The following CDH12 variants were observed in gnomAD, a reference collection of about 807,000 sequenced individuals.
CDH12 encodes cadherin 12.
A neutral mutation model predicts 74.1 loss-of-function variants in CDH12; 41 were observed. The observed-to-expected ratio is 0.55, with a 90% confidence interval of 0.43 to 0.72. The LOEUF is 0.72. Among genes scored for constraint, CDH12 ranks in the 30% least tolerant of loss-of-function variants. The probability of loss-of-function intolerance (pLI) is 0.00; values close to 1 mark genes in which losing one functional copy is unlikely to be tolerated. For synonymous variants in CDH12, 399 were observed against 355.0 expected (o/e 1.12, Z -1.39); for missense variants, 945 against 977.2 (o/e 0.97, Z 0.44).
chr5:21,909,577 A>G (rs528192618), intron 6 of CDH12, among the ~76,000 whole-genome samples: 1 of 152,270 alleles, frequency 6.6e-6, no homozygotes, highest in East Asian at 1.9e-4. Flanking sequence ...AACCAACTAC[A>G]TTTCACCTTC....
chr5:22,581,278 A>T (rs1033471517), intron 1 of CDH12, among the ~76,000 whole-genome samples: 7 of 152,332 alleles, frequency 4.6e-5, no homozygotes, highest in Middle Eastern at 3.4e-3. Context: ...CTACAGACTA[A>T]ATGCCCTGAG....
At chr5:21,825,928 C>T (rs1368359932) in intron 8 of CDH12, among the ~76,000 whole-genome samples, 1 of 152,196 alleles carries the variant, frequency 6.6e-6, no homozygotes. Flanking sequence ...TTGGTATCAT[C>T]TGGAAAGTTA....
At position 22,034,877 on chromosome 5, in the gene CDH12, T is replaced by C. The variant is rs149788260; in HGVS notation, c.231+43569A>G. Among the ~76,000 whole-genome samples the C allele has an allele frequency of 3.7e-3, 567 of 152,284 alleles. 7 individuals are homozygous for C. Among genetic ancestry groups the C allele is most frequent in the African/African-American group, 0.013 (531 of 41,572 alleles). ...AATAAAATAAAGCTTTTTGATGTCC[T>C]GAATAAGCAAACAATACCAGGTACA... On this transcript the variant is annotated intron_variant, in intron 5 of 14. Transcript: ENST00000382254.
At chr5:22,640,333 C>T (rs1396187181) in intron 1 of CDH12, among the ~76,000 whole-genome samples, 2 of 152,174 alleles carry the variant, frequency 1.3e-5, no homozygotes, top group Non-Finnish European at 2.9e-5. Flanking sequence ...GAAAATCTAA[C>T]ACTATTTTGT....
intron 5 of CDH12, 26 bp downstream of exon 5, chr5:22,078,420 G>C (rs368207059): frequency 6.2e-7 from 1 of 1,600,452 alleles, no homozygotes; most frequent in South Asian, 1.1e-5. Flanking sequence ...CCTATCAAGC[G>C]GTTGTCAAAA....
At position 21,752,236 on chromosome 5, in the gene CDH12, G is replaced by C; in HGVS notation, c.1886C>G (p.Ala629Gly). The C allele has an allele frequency of 3.2e-6, 5 of 1,575,788 alleles. No individual in the cohort carries two copies. The highest frequency in any genetic ancestry group is 4.3e-6 in the Non-Finnish European group (5 of 1,161,846). ...CAGTGCTACATACAGTACAACTATG[G>C]CTGGAACAAGACAAAAATTGCAATT... ...AILLCIVILL[A>G]IVVLYVALRR... is the part of the protein sequence containing the mutation. The change falls in exon 15 of 15, where the codon GCC becomes GGC. Residue 629 changes from alanine (A) to glycine (G), a missense_variant and splice_region_variant. By Grantham distance (60) the Ala-to-Gly change is moderately conservative (BLOSUM62 0). This residue lies in a region of CDH12 where 791 missense variants were observed against 792.8 expected (regional missense o/e 1.00). Transcript: ENST00000382254.
chr5:21,842,191 C>T lies in CDH12; in HGVS notation c.784G>A (p.Val262Ile). Residue 262 changes from valine (V) to isoleucine (I), a missense_variant, in exon 8 of 15, where the codon GTC (valine) becomes ATC (isoleucine). Val to Ile is a conservative substitution (Grantham distance 29). Coordinates refer to ENST00000382254, the MANE Select transcript of CDH12 (RefSeq NM_004061.5). ...TTIVNITLTDVNDNPPRFPKS... is the reference protein window; with the variant it reads ...TTIVNITLTDINDNPPRFPKS... Reference sequence around the variant, plus strand: ...GGGAATCGAGGTGGATTGTCATTGACATCGGTGAGAGTGATGTTGACTATT... The same window carrying T: ...GGGAATCGAGGTGGATTGTCATTGATATCGGTGAGAGTGATGTTGACTATT... 1.9e-6 allele frequency: 3 copies of T among 1,612,610 alleles called. No individual in the cohort carries two copies. The highest frequency in any genetic ancestry group is 2.2e-5 in the East Asian group (1 of 44,808).
chr5:22,001,453 G>A (rs1403063376), intron 5 of CDH12, among the ~76,000 whole-genome samples: 1 of 152,020 alleles, frequency 6.6e-6, no homozygotes, highest in African/African-American at 2.4e-5. Flanking sequence ...GTAAACATGG[G>A]AAAAATCTTT....
chr5:22,425,156 T>TATATATATATATATATAA (rs1554039874), intron 2 of CDH12, among the ~76,000 whole-genome samples: 1 of 126,248 alleles, frequency 7.9e-6, no homozygotes, highest in African/African-American at 3.0e-5. Flanking sequence ...TGTGTGTGTA[T>TATATATATATATATATAA]ATATATATAT....
intron 11 of CDH12, among the ~76,000 whole-genome samples, chr5:21,782,193 C>T (rs760014810): frequency 6.6e-6 from 1 of 152,182 alleles, no homozygotes; most frequent in Non-Finnish European, 1.5e-5. Context: ...AGCACCGCAA[C>T]GTGGCCTCTC....
At chr5:21,913,910 C>T (rs1350698931) in intron 6 of CDH12, among the ~76,000 whole-genome samples, 3 of 152,068 alleles carry the variant, frequency 2.0e-5, no homozygotes, top group Non-Finnish European at 2.9e-5. Context: ...TCTCAAACTC[C>T]TGGGCCCAAG....
At chr5:22,190,844 T>A (rs1337402326) in intron 4 of CDH12, among the ~76,000 whole-genome samples, 1 of 152,204 alleles carries the variant, frequency 6.6e-6, no homozygotes, top group African/African-American at 2.4e-5. Context: ...CTCAGACTCA[T>A]CCCTGACTAC....
intron 6 of CDH12, among the ~76,000 whole-genome samples, chr5:21,884,631 T>C (rs1213926314): frequency 6.6e-6 from 1 of 152,224 alleles, no homozygotes; most frequent in Admixed American, 6.5e-5. Context: ...ACTATTCTGT[T>C]AAAATCAGGA....
At chr5:21,844,808 C>A (rs906186414) in intron 7 of CDH12, among the ~76,000 whole-genome samples, 1 of 152,138 alleles carries the variant, frequency 6.6e-6, no homozygotes, top group African/African-American at 2.4e-5. Flanking sequence ...GATAAATAGA[C>A]AGATAGCTAT....
chr5:22,347,707 G>T (rs933801981), intron 3 of CDH12, among the ~76,000 whole-genome samples: 1 of 152,122 alleles, frequency 6.6e-6, no homozygotes, highest in Non-Finnish European at 1.5e-5. Context: ...ATTGGTTGAG[G>T]CATATGATGA....
chr5:22,163,784 T>C (rs1748501085), intron 4 of CDH12, among the ~76,000 whole-genome samples: 1 of 152,166 alleles, frequency 6.6e-6, no homozygotes, highest in East Asian at 1.9e-4. Flanking sequence ...TATAAATGCA[T>C]AATACAGGTG....
At chr5:22,374,373 G>GA (rs559024766) in intron 3 of CDH12, among the ~76,000 whole-genome samples, 54 of 152,244 alleles carry the variant, frequency 3.5e-4, no homozygotes, top group Admixed American at 1.2e-3. Context: ...GGGAAAAGCT[G>GA]AAAGCCTTTC....
rs201292632 is a variant in CDH12 at position 21,949,449 on chromosome 5, CAAAAAA to C, written c.526+25636_526+25641del. 3.3e-4 allele frequency among the ~76,000 whole-genome samples: 28 copies of C among 83,788 alleles called. No individual in the cohort carries two copies. The East Asian group carries it at 3.6e-3, about 11-fold the overall frequency. 55.0% of individuals were successfully genotyped at this position (83,788 alleles called of 152,430 possible). A position where few individuals can be genotyped will look rare whatever the true frequency, so the allele number is the denominator to read the frequency against. On this transcript the variant is annotated intron_variant, in intron 6 of 14. Transcript: ENST00000382254. ...TGTGCGACAGAACGAGACTCTGTCTCAAAAAAAAAAAAAAAAAAGAAATAGGCAACT... is the reference window on the plus strand; with the variant it reads ...TGTGCGACAGAACGAGACTCTGTCTCAAAAAAAAAAAAGAAATAGGCAACT...
At chr5:22,343,698 G>A (rs188408392) in intron 3 of CDH12, among the ~76,000 whole-genome samples, 118 of 152,272 alleles carry the variant, frequency 7.7e-4, no homozygotes, top group Admixed American at 3.7e-3. Flanking sequence ...GATTACAGGC[G>A]TGAGAAGTTG....
Sources: allele counts gnomAD v4.1 joint callset (sites outside exome capture counted in the v4.1 genomes callset), GRCh38; gene constraint gnomAD v4.1.1; regional missense constraint gnomAD v4.1.1; transcripts MANE v1.5; gene names NCBI Gene and HGNC (gene_info 2026-07-23, HGNC 2026-07-21).